The following NRG1 variants were observed in gnomAD, a reference collection of about 807,000 sequenced individuals.
NRG1 encodes the protein pro-neuregulin-1, membrane-bound isoform.
A neutral mutation model predicts 63.8 loss-of-function variants in NRG1; 18 were observed. The observed-to-expected ratio is 0.28, with a 90% CI of 0.19 to 0.42. The LOEUF (loss-of-function observed/expected upper bound fraction) is 0.42. NRG1 is among the 10% of genes least tolerant of loss of function. The pLI is 1.00. For synonymous variants in NRG1, 302 were observed against 301.3 expected (o/e 1.00, Z -0.02); for missense variants, 762 against 814.7 (o/e 0.94, Z 0.79).
chr8:32,638,975 C>A (rs974217859), intron 5 of NRG1, among the ~76,000 whole-genome samples: 2 of 151,684 alleles, frequency 1.3e-5, no homozygotes, highest in South Asian at 2.1e-4. Context: ...ACTTTTATTT[C>A]TTCTTTTTTT....
intron 1 of NRG1, among the ~76,000 whole-genome samples, chr8:32,368,942 A>G (rs1040363446): frequency 3.9e-5 from 6 of 152,202 alleles, no homozygotes; most frequent in Non-Finnish European, 8.8e-5. Flanking sequence ...TCTCTTCTCT[A>G]TACACCTGTA....
At chr8:32,714,582 T>TA (rs1818687258) in intron 5 of NRG1, among the ~76,000 whole-genome samples, 1 of 152,176 alleles carries the variant, frequency 6.6e-6, no homozygotes, top group Non-Finnish European at 1.5e-5. Flanking sequence ...AGAGCTTTGA[T>TA]AAAAGGAGTG....
intron 1 of NRG1, among the ~76,000 whole-genome samples, chr8:32,533,691 C>T (rs1831680227): frequency 6.6e-6 from 1 of 151,924 alleles, no homozygotes; most frequent in Non-Finnish European, 1.5e-5. Flanking sequence ...ATTCATTATC[C>T]ACCAAAAATT....
At chr8:31,849,349 T>C (rs1292917118) in intron 1 of NRG1, among the ~76,000 whole-genome samples, 4 of 152,228 alleles carry the variant, frequency 2.6e-5, no homozygotes, top group African/African-American at 9.6e-5. Context: ...TATCAGTGAA[T>C]TACATTGATG....
intron 1 of NRG1, among the ~76,000 whole-genome samples, chr8:31,919,667 A>G (rs953843290): frequency 4.6e-5 from 7 of 152,078 alleles, no homozygotes; most frequent in Non-Finnish European, 8.8e-5. Flanking sequence ...TCAGTTCACA[A>G]TGTTGTGAAG....
intron 1 of NRG1, among the ~76,000 whole-genome samples, chr8:31,705,492 G>T (rs544087931): frequency 2.3e-4 from 35 of 152,270 alleles, no homozygotes; most frequent in African/African-American, 6.5e-4. Flanking sequence ...TAGGATGAAA[G>T]TTGGAAAATA....
intron 1 of NRG1, among the ~76,000 whole-genome samples, chr8:31,901,563 A>G (rs1354183125): frequency 6.6e-6 from 1 of 152,180 alleles, no homozygotes; most frequent in Non-Finnish European, 1.5e-5. Flanking sequence ...AAGGCCAAAG[A>G]TCCATTTTAA....
chr8:32,209,162 A>G lies in NRG1; in HGVS notation c.38-386666A>G, dbSNP rs1375512275. ...GCCTTAAGGATGACCAAAGTTATAGATATCTTAAGAATGAATTAAATGCGT... is the reference window on the plus strand; with the variant it reads ...GCCTTAAGGATGACCAAAGTTATAGGTATCTTAAGAATGAATTAAATGCGT... On this transcript the variant is annotated intron_variant, in intron 1 of 10. Coordinates refer to the NRG1 transcript ENST00000519301. Among the ~76,000 whole-genome samples the G allele has an allele frequency of 2.0e-5, 3 of 152,280 alleles. No individual in the cohort carries two copies. In the East Asian group the frequency reaches 5.8e-4, roughly 29 times the overall value.
At chr8:32,415,825 C>T (rs1488161530) in intron 1 of NRG1, among the ~76,000 whole-genome samples, 1 of 152,076 alleles carries the variant, frequency 6.6e-6, no homozygotes, top group South Asian at 2.1e-4. Flanking sequence ...TAGTTTTCAC[C>T]CTATTGAAAA....
intron 5 of NRG1, among the ~76,000 whole-genome samples, chr8:32,693,156 T>C (rs1206325206): frequency 2.0e-5 from 3 of 151,960 alleles, no homozygotes; most frequent in Non-Finnish European, 2.9e-5. Context: ...TGCAGAAAGA[T>C]TATTATTTTA....
intron 1 of NRG1, among the ~76,000 whole-genome samples, chr8:32,073,608 G>A (rs1826070022): frequency 6.6e-6 from 1 of 152,034 alleles, no homozygotes; most frequent in Admixed American, 6.6e-5. Flanking sequence ...TTACAGAAGG[G>A]AAATCTAAGA....
At chr8:31,800,817 A>T in intron 1 of NRG1, among the ~76,000 whole-genome samples, 1 of 149,782 alleles carries the variant, frequency 6.7e-6, no homozygotes, top group African/African-American at 2.4e-5. Flanking sequence ...ATTGTGATTT[A>T]GATTTCTCCA....
At chr8:31,945,670 C>A (rs1186167905) in intron 1 of NRG1, among the ~76,000 whole-genome samples, 1 of 152,198 alleles carries the variant, frequency 6.6e-6, no homozygotes, top group African/African-American at 2.4e-5. Flanking sequence ...CTAGCCGCAG[C>A]TCCCTTTCGA....
intron 1 of NRG1, among the ~76,000 whole-genome samples, chr8:32,409,687 G>A (rs570995008): frequency 3.9e-5 from 6 of 152,316 alleles, no homozygotes; most frequent in African/African-American, 1.2e-4. Context: ...TACAGTTAAC[G>A]TCATACTTTA....
intron 5 of NRG1, among the ~76,000 whole-genome samples, chr8:32,687,825 T>G (rs1190381828): frequency 1.3e-5 from 2 of 152,202 alleles, no homozygotes; most frequent in African/African-American, 4.8e-5. Flanking sequence ...TTAAAATGTG[T>G]GAATGAAAAA....
intron 1 of NRG1, among the ~76,000 whole-genome samples, chr8:32,159,867 G>C (rs1382298957): frequency 2.0e-5 from 3 of 152,108 alleles, no homozygotes; most frequent in Non-Finnish European, 4.4e-5. Flanking sequence ...TGATGTGCTG[G>C]AATGGGATGT....
rs939126875 is a variant in NRG1 at position 32,381,485 on chromosome 8, C to G, written c.38-214343C>G. On this transcript the variant is annotated intron_variant, in intron 1 of 10. Transcript: ENST00000519301. ...CTCAACACGGAGGCAGGGCCTGGTA[C>G]AGCACAGTCCTCAATAAATACTTGA... 2.2e-3 allele frequency among the ~76,000 whole-genome samples: 340 copies of G among 152,290 alleles called. 3 individuals carry two copies. The highest frequency in any genetic ancestry group is 8.0e-3 in the African/African-American group (331 of 41,566).
chr8:31,648,225 C>G (rs1019427196), intron 1 of NRG1, among the ~76,000 whole-genome samples: 4 of 148,646 alleles, frequency 2.7e-5, no homozygotes, highest in Admixed American at 2.0e-4. Flanking sequence ...GCTCCGCCTC[C>G]CGGGTTCACG....
chr8:32,198,922 G>T (rs1453708490), intron 1 of NRG1, among the ~76,000 whole-genome samples: 1 of 151,424 alleles, frequency 6.6e-6, no homozygotes, highest in Non-Finnish European at 1.5e-5. Context: ...TTATTTCATT[G>T]TTATGAAAAC....
Sources: allele counts gnomAD v4.1 joint callset (sites outside exome capture counted in the v4.1 genomes callset), GRCh38; gene constraint gnomAD v4.1.1; transcripts MANE v1.5; gene names NCBI Gene and HGNC (gene_info 2026-07-23, HGNC 2026-07-21).